SLC37A1: variants seen among roughly 807,000 people sequenced by gnomAD.
The protein encoded by SLC37A1 is glucose-6-phosphate exchanger SLC37A1.
In SLC37A1, 49 loss-of-function variants were observed where a neutral mutation model predicts 75.3. The ratio of observed to expected loss-of-function variants is 0.65; its 90% CI spans 0.52 to 0.83. The LOEUF is 0.83. Ranked by LOEUF, SLC37A1 falls within the 40% of genes least tolerant of loss-of-function variation. SLC37A1 has a pLI of 0.00. For synonymous variants in SLC37A1, 268 were observed against 292.1 expected, an observed-to-expected ratio of 0.92 and a Z score of 0.84; for missense variants, 566 against 695.0, an observed-to-expected ratio of 0.81 and a Z score of 2.09.
chr21:42,539,757 G>A (rs1489863948), intron 6 of SLC37A1, 110 bp downstream of exon 6: 39 of 1,118,368 alleles, frequency 3.5e-5, no homozygotes, highest in South Asian at 4.2e-5. Context: ...GCAGAAGTGC[G>A]TCCTGTCGGA....
At position 42,518,355 on chromosome 21, in the gene SLC37A1, C is replaced by T. The variant is rs62215906; in HGVS notation, c.-100C>T. On this transcript the variant is annotated 5_prime_UTR_variant, in exon 2 of 20. Coordinates refer to ENST00000352133, the MANE Select transcript of SLC37A1 (RefSeq NM_001320537.2). ...TTCCACGCTTTCCAGCCTGTGGGAG[C>T]GGCAGGGGCAACAGAGAGAGGATCT... 0.095 allele frequency: 139,366 copies of T among 1,459,886 alleles called. 8,262 individuals carry two copies. Among genetic ancestry groups the T allele is most frequent in the African/African-American group, 0.28 (19,881 of 71,904 alleles). 90.4% of individuals were successfully genotyped at this position (1,459,886 alleles called of 1,614,324 possible). A position where few individuals can be genotyped will look rare whatever the true frequency, so the allele number is the denominator to read the frequency against.
chr21:42,578,967 C>G (rs1420174376), intron 18 of SLC37A1, among the ~76,000 whole-genome samples: 6 of 152,248 alleles, frequency 3.9e-5, no homozygotes, highest in Admixed American at 6.5e-5. Flanking sequence ...CTGCTGCCCT[C>G]TAAGAACGAG....
At chr21:42,544,207 C>G (rs558414722) in intron 8 of SLC37A1, among the ~76,000 whole-genome samples, 2 of 152,272 alleles carry the variant, frequency 1.3e-5, no homozygotes, top group South Asian at 4.1e-4. Flanking sequence ...GGCGGTCACA[C>G]GACAGGGGCT....
At chr21:42,527,783 T>C (rs17115044) in intron 3 of SLC37A1, among the ~76,000 whole-genome samples, 2,185 of 152,336 alleles carry the variant, frequency 0.014, 45 homozygotes, top group African/African-American at 0.05. Flanking sequence ...ACAGATTTCC[T>C]GACCTAGCAG....
intron 5 of SLC37A1, among the ~76,000 whole-genome samples, chr21:42,536,845 C>T (rs1237627494): frequency 6.6e-6 from 1 of 152,220 alleles, no homozygotes; most frequent in Non-Finnish European, 1.5e-5. Flanking sequence ...CCTCATGACC[C>T]AAATGCCCTT....
In SLC37A1 at chr21:42,538,082, G is replaced by A. The variant is rs375309782; in HGVS notation, c.351-1430G>A. Reference sequence around the variant, plus strand: ...AATTTTTCAGTAGAGATCAAAGTAGGCCCAAATCATATAGCAAGATTAGAG... The same window carrying A: ...AATTTTTCAGTAGAGATCAAAGTAGACCCAAATCATATAGCAAGATTAGAG... On this transcript the variant is annotated intron_variant, in intron 5 of 19. Coordinates refer to ENST00000352133, the MANE Select transcript of SLC37A1 (RefSeq NM_001320537.2). Among the ~76,000 whole-genome samples, 126 of 152,292 alleles carry A rather than the reference G, an allele frequency of 8.3e-4. 3 individuals carry two copies. In the South Asian group the frequency reaches 0.023, roughly 28 times the overall value.
chr21:42,578,913 C>T (rs571992588), intron 18 of SLC37A1, among the ~76,000 whole-genome samples: 23 of 152,316 alleles, frequency 1.5e-4, no homozygotes, highest in Admixed American at 6.5e-4. Context: ...GCACCCCTTC[C>T]CTGCCTCCCC....
At chr21:42,505,640 G>T (rs2054377635) in intron 2 of SLC37A1, among the ~76,000 whole-genome samples, 1 of 152,198 alleles carries the variant, frequency 6.6e-6, no homozygotes, top group Admixed American at 6.5e-5. Context: ...AGCCCACCAA[G>T]CTTCAACTCT....
At chr21:42,524,037 A>G (rs2054717844) in intron 2 of SLC37A1, among the ~76,000 whole-genome samples, 3 of 152,180 alleles carry the variant, frequency 2.0e-5, no homozygotes, top group Admixed American at 2.0e-4. Flanking sequence ...AACATTAAAA[A>G]TGTAGATGCG....
At chr21:42,539,771 C>G in intron 6 of SLC37A1, 124 bp downstream of exon 6, 1 of 955,678 alleles carries the variant, frequency 1.0e-6, no homozygotes, top group Middle Eastern at 2.3e-4. Flanking sequence ...TGTCGGAAGT[C>G]AGGGTCAGCT....
chr21:42,500,686 T>C (rs1171596199), intron 1 of SLC37A1, among the ~76,000 whole-genome samples: 1 of 152,234 alleles, frequency 6.6e-6, no homozygotes, highest in African/African-American at 2.4e-5. Flanking sequence ...CAGTTGTTTG[T>C]GACAATCAGA....
At chr21:42,512,872 G>A (rs2054451803), upstream of SLC37A1, among the ~76,000 whole-genome samples, 1 of 152,274 alleles carries the variant, frequency 6.6e-6, no homozygotes, top group Admixed American at 6.5e-5. Context: ...GAAACTGCGA[G>A]GCCTAGCAGG....
Position 42,548,272 on chromosome 21 carries a change from C to A in SLC37A1, c.768+1132C>A, listed in dbSNP as rs1163921040. On this transcript the variant is annotated intron_variant, in intron 9 of 19. Coordinates refer to ENST00000352133, the MANE Select transcript of SLC37A1 (RefSeq NM_001320537.2). This position sits in a 1 kb window ranked among gnomAD's most constrained non-coding sequence, Gnocchi z 5.6. ...CAGAGTGACCCACCCCTGAGCTCCG[C>A]AATCTGAGGTCTCACCACCACTCAA... Among the ~76,000 whole-genome samples, 1 of 152,132 alleles carries A rather than the reference C, an allele frequency of 6.6e-6. No individual in the cohort carries two copies. Among genetic ancestry groups the A allele is most frequent in the African/African-American group, 2.4e-5 (1 of 41,414 alleles).
At chr21:42,569,091 T>A (rs2056056244) in intron 17 of SLC37A1, among the ~76,000 whole-genome samples, 1 of 152,164 alleles carries the variant, frequency 6.6e-6, no homozygotes, top group Non-Finnish European at 1.5e-5. Context: ...GGGGACGTTA[T>A]GGGGGGCTGC....
At chr21:42,518,649 C>T in intron 2 of SLC37A1, 139 bp downstream of exon 2, 3 of 989,588 alleles carry the variant, frequency 3.0e-6, no homozygotes, top group Non-Finnish European at 4.6e-6. Flanking sequence ...CGTTGAATTG[C>T]TTTTTGGTGG....
intron 2 of SLC37A1, among the ~76,000 whole-genome samples, chr21:42,506,279 G>A (rs768432897): frequency 6.6e-6 from 1 of 152,142 alleles, no homozygotes; most frequent in Non-Finnish European, 1.5e-5. Context: ...AAGCTTAACA[G>A]GATTTATATT....
At chr21:42,502,651 A>G (rs1162482262) in intron 2 of SLC37A1, 2 of 152,192 alleles carry the variant, frequency 1.3e-5, no homozygotes, top group Non-Finnish European at 2.9e-5. Context: ...ATGTTTCTCT[A>G]CCTGGTGAAC....
upstream of SLC37A1, among the ~76,000 whole-genome samples, chr21:42,511,810 A>C (rs564614012): frequency 1.8e-4 from 28 of 152,212 alleles, no homozygotes; most frequent in Non-Finnish European, 3.1e-4. Flanking sequence ...ACCAACAAAC[A>C]AACAAAAAAG....
Position 42,542,431 on chromosome 21 carries a change from G to C in SLC37A1, c.514G>C (p.Gly172Arg), listed in dbSNP as rs771511410. 4 of 1,613,972 alleles carry C rather than the reference G, an allele frequency of 2.5e-6. No individual in the cohort carries two copies. In the Admixed American group the frequency reaches 6.7e-5, roughly 27 times the overall value. ...CATCAACGGGCTGGTGCAGACCACC[G>C]GCTGGCCCAGCGTCGTCACCTGCCT... ...QVINGLVQTT[G>R]WPSVVTCLGN... The change falls in exon 7 of 20, where the codon GGC becomes CGC. Residue 172 changes from glycine (G) to arginine (R), a missense_variant. Coordinates refer to ENST00000352133, the MANE Select transcript of SLC37A1 (RefSeq NM_001320537.2).
Sources: gnomAD v4.1 joint callset for allele counts (sites outside exome capture counted in the v4.1 genomes callset) on GRCh38, gnomAD v4.1.1 for gene constraint, Gnocchi (gnomAD v3.1) non-coding constraint, MANE v1.5 for transcripts, NCBI Gene and HGNC (gene_info 2026-07-23, HGNC 2026-07-21) for gene names.